DPY19L1: variants seen among roughly 807,000 people sequenced by gnomAD.
The protein encoded by DPY19L1 is dpy-19 like C-mannosyltransferase 1, also known as protein C-mannosyl-transferase DPY19L1.
Under a neutral mutation model 96.9 loss-of-function variants are expected in DPY19L1, and 35 were observed. The ratio of observed to expected loss-of-function variants is 0.36; its 90% CI spans 0.28 to 0.48. DPY19L1 has a LOEUF of 0.48. Among genes scored for constraint, DPY19L1 ranks in the 20% least tolerant of loss-of-function variants. The pLI, the probability that DPY19L1 is intolerant of heterozygous loss-of-function variation, is 0.99. For synonymous variants in DPY19L1, 205 were observed against 252.6 expected, an observed-to-expected ratio of 0.81 and a Z score of 1.79; for missense variants, 521 against 777.9, an observed-to-expected ratio of 0.67 and a Z score of 3.93.
intron 9 of DPY19L1, among the ~76,000 whole-genome samples, chr7:34,968,768 CAAAAAAAAAAAAAAA>C (rs35977506): frequency 3.4e-4 from 3 of 8,888 alleles, no homozygotes; most frequent in South Asian, 0.014. Flanking sequence ...GACTCCATCG[CAAAAAAAAAAAAAAA>C]AAAAAAAAAA....
chr7:34,995,078 G>A (rs578170392), intron 6 of DPY19L1, among the ~76,000 whole-genome samples: 1 of 152,130 alleles, frequency 6.6e-6, no homozygotes, highest in Non-Finnish European at 1.5e-5. Flanking sequence ...AAAGCTAGAG[G>A]AGGAGAATAA....
chr7:34,992,361 T>TA (rs1458112935), intron 6 of DPY19L1, among the ~76,000 whole-genome samples: 1 of 152,102 alleles, frequency 6.6e-6, no homozygotes, highest in Non-Finnish European at 1.5e-5. Flanking sequence ...AATGTGAAAA[T>TA]AACATTTAAA....
chr7:34,948,804 A>G (rs559268181), intron 14 of DPY19L1, among the ~76,000 whole-genome samples: 1 of 152,364 alleles, frequency 6.6e-6, no homozygotes, highest in East Asian at 1.9e-4. Flanking sequence ...TACCTTTGTC[A>G]GCCACTGTGT....
chr7:34,957,442 T>G (rs966064751), intron 11 of DPY19L1, among the ~76,000 whole-genome samples: 5 of 152,164 alleles, frequency 3.3e-5, no homozygotes, highest in Admixed American at 6.5e-5. Context: ...CAGAAAGAAT[T>G]AGATGACCTT....
chr7:34,930,875 A>G lies in DPY19L1; in HGVS notation c.*698T>C, dbSNP rs927933023. 6.6e-6 allele frequency: 1 copy of G among 152,160 alleles called. No homozygotes were observed. Among genetic ancestry groups the G allele is most frequent in the African/African-American group, 2.4e-5 (1 of 41,434 alleles). The allele number at this position is 152,160 out of a possible 1,614,324, so 9.4% of individuals were successfully genotyped here. A position where few individuals can be genotyped will look rare whatever the true frequency, so the allele number is the denominator to read the frequency against. On this transcript the variant is annotated 3_prime_UTR_variant, in exon 22 of 22. Coordinates refer to ENST00000638088, the MANE Select transcript of DPY19L1 (RefSeq NM_001366673.1). ...ACTTATTTGACAGAAAATATGGGGA[A>G]GAGGAGAAGAGAGAGAGCAAGAGAG...
intron 1 of DPY19L1, among the ~76,000 whole-genome samples, chr7:35,028,273 G>C (rs1421161162): frequency 6.6e-6 from 1 of 152,126 alleles, no homozygotes; most frequent in Non-Finnish European, 1.5e-5. Context: ...CACACAGGAG[G>C]AAATGCCTTA....
intron 14 of DPY19L1, among the ~76,000 whole-genome samples, chr7:34,949,125 T>C (rs1193846111): frequency 6.6e-6 from 1 of 152,244 alleles, no homozygotes; most frequent in Middle Eastern, 3.2e-3. Flanking sequence ...ATATACATGC[T>C]TGTCGAACTA....
chr7:34,938,526 A>G (rs747838715), intron 20 of DPY19L1, among the ~76,000 whole-genome samples: 5 of 152,234 alleles, frequency 3.3e-5, no homozygotes, highest in Non-Finnish European at 5.9e-5. Context: ...AATTCACATT[A>G]AATGGTTCTT....
Position 34,963,528 on chromosome 7 carries a change from A to G in DPY19L1, c.1092+3366T>C, listed in dbSNP as rs376730344. ...GATCTCAAAAAATATTTGTTTACCCATGTTCATAGCAGCATTATTTCCTAT... is the reference window on the plus strand; with the variant it reads ...GATCTCAAAAAATATTTGTTTACCCGTGTTCATAGCAGCATTATTTCCTAT... On this transcript the variant is annotated intron_variant, in intron 10 of 21. Coordinates refer to ENST00000638088, the MANE Select transcript of DPY19L1 (RefSeq NM_001366673.1). Among the ~76,000 whole-genome samples the G allele has an allele frequency of 2.6e-5, 4 of 152,362 alleles. No homozygotes were observed. In the East Asian group the frequency reaches 7.7e-4, roughly 29 times the overall value.
At chr7:34,941,472 A>C (rs1221827370) in intron 18 of DPY19L1, among the ~76,000 whole-genome samples, 2 of 152,226 alleles carry the variant, frequency 1.3e-5, no homozygotes, top group Non-Finnish European at 2.9e-5. Context: ...TCAAAACAAA[A>C]AAAGTTATTA....
chr7:34,948,816 T>C (rs1375147307), intron 14 of DPY19L1, among the ~76,000 whole-genome samples: 1 of 152,216 alleles, frequency 6.6e-6, no homozygotes, highest in African/African-American at 2.4e-5. Flanking sequence ...CCACTGTGTG[T>C]CAAAACCATT....
chr7:34,953,426 G>T (rs1168510832), intron 13 of DPY19L1, among the ~76,000 whole-genome samples: 1 of 152,018 alleles, frequency 6.6e-6, no homozygotes, highest in African/African-American at 2.4e-5. Context: ...ATAAACGCAG[G>T]ACTAGGGTTA....
At chr7:34,952,847 T>C (rs1784296948) in intron 13 of DPY19L1, among the ~76,000 whole-genome samples, 2 of 152,208 alleles carry the variant, frequency 1.3e-5, no homozygotes. Context: ...TATCAGGTTC[T>C]AGAGATTAAC....
chr7:34,960,703 T>C (rs1475331312), intron 10 of DPY19L1, among the ~76,000 whole-genome samples: 4 of 152,196 alleles, frequency 2.6e-5, no homozygotes, highest in South Asian at 2.1e-4. Flanking sequence ...AATTGTTCTA[T>C]GGCTTCATCA....
chr7:34,955,254 A>G, intron 12 of DPY19L1, 54 bp downstream of exon 12: 2 of 1,541,958 alleles, frequency 1.3e-6, no homozygotes, highest in South Asian at 1.2e-5. Context: ...CATAAAACCA[A>G]TGATATATTT....
chr7:34,948,107 A>G (rs1041374666), intron 14 of DPY19L1, among the ~76,000 whole-genome samples: 1 of 152,150 alleles, frequency 6.6e-6, no homozygotes, highest in African/African-American at 2.4e-5. Flanking sequence ...TTTCTCACGC[A>G]TAAACAAAAT....
At chr7:34,963,185 A>T (rs1178028672) in intron 10 of DPY19L1, among the ~76,000 whole-genome samples, 1 of 127,470 alleles carries the variant, frequency 7.8e-6, no homozygotes, top group Non-Finnish European at 1.7e-5. Flanking sequence ...ACAGAGCGAG[A>T]TCTGTCTCAA....
intron 11 of DPY19L1, among the ~76,000 whole-genome samples, 161 bp downstream of exon 11, chr7:34,957,822 CT>C: frequency 6.6e-6 from 1 of 151,368 alleles, no homozygotes; most frequent in Non-Finnish European, 1.5e-5. Context: ...TTTTTTTTCC[CT>C]GTTTTAGAAT....
chr7:34,947,210 ACT>A (rs1442946377), intron 15 of DPY19L1, among the ~76,000 whole-genome samples: 1 of 152,162 alleles, frequency 6.6e-6, no homozygotes, highest in African/African-American at 2.4e-5. Flanking sequence ...CATTGCAAAT[ACT>A]CTGTTTTTTC....
Sources: allele counts gnomAD v4.1 joint callset (sites outside exome capture counted in the v4.1 genomes callset), GRCh38; gene constraint gnomAD v4.1.1; transcripts MANE v1.5; gene names NCBI Gene and HGNC (gene_info 2026-07-23, HGNC 2026-07-21).